METTL2B: variants seen among roughly 807,000 people sequenced by gnomAD.
The protein encoded by METTL2B is methyltransferase 2B, tRNA N3-cytidine.
In METTL2B, 28 loss-of-function variants were observed where a neutral mutation model predicts 51.0. The observed-to-expected ratio is 0.55, with a 90% confidence interval of 0.41 to 0.75. The LOEUF is 0.75. METTL2B is among the 30% of genes least tolerant of loss of function. METTL2B has a pLI of 0.00. For missense variants in METTL2B, 313 were observed against 460.7 expected (o/e 0.68, Z 2.93); for synonymous variants, 128 against 166.3 (o/e 0.77, Z 1.77).
In METTL2B at chr7:128,498,090, A is replaced by G; in HGVS notation, c.864A>G (p.Val288=). The G allele has an allele frequency of 6.2e-7, 1 of 1,613,840 alleles. No homozygotes were observed. The highest frequency in any genetic ancestry group is 8.5e-7 in the Non-Finnish European group (1 of 1,179,826). Residue 288 remains valine, a synonymous_variant, in exon 7 of 9, where the codon GTA becomes GTG. Transcript: ENST00000262432. The part of the protein sequence containing the change: ...LSRLLKPGGM[V]LLRDYGRYDM... ...GGCTTCTGAAACCTGGGGGGATGGT[A>G]CTTCTGCGAGATTACGGCCGCTATG... is the stretch of plus-strand genomic sequence containing the variant.
At chr7:128,477,555 G>A (rs1563025826) in intron 2 of METTL2B, among the ~76,000 whole-genome samples, 1 of 152,012 alleles carries the variant, frequency 6.6e-6, no homozygotes. Context: ...CTTCATTTAA[G>A]TGATTAGATT....
intron 5 of METTL2B, among the ~76,000 whole-genome samples, chr7:128,493,041 G>A (rs1487281856): frequency 6.6e-6 from 1 of 151,730 alleles, no homozygotes; most frequent in Non-Finnish European, 1.5e-5. Context: ...AAGTACACAA[G>A]AATAAAGAAT....
chr7:128,477,934 A>G (rs1799823423), intron 2 of METTL2B: 3 of 447,010 alleles, frequency 6.7e-6, no homozygotes, highest in African/African-American at 6.0e-5. Context: ...GTGGTTCAAT[A>G]TTCTCTTTTT....
Position 128,476,772 on chromosome 7 carries a change from G to C in METTL2B, c.7G>C (p.Gly3Arg), listed in dbSNP as rs755214059. Residue 3 changes from glycine to arginine, a missense_variant, in exon 1 of 9, where the codon GGC becomes CGC. Transcript: ENST00000262432. ...TGTTTCCGGCTCCGGTGTCATGGCCGGCTCCTACCCTGAAGGTGCACCTGC... is the reference window on the plus strand; with the variant it reads ...TGTTTCCGGCTCCGGTGTCATGGCCCGCTCCTACCCTGAAGGTGCACCTGC... MA[G>R]SYPEGAPAIL... The C allele has an allele frequency of 1.9e-5, 30 of 1,613,932 alleles. No homozygotes were observed. The highest frequency in any genetic ancestry group is 4.4e-5 in the South Asian group (4 of 91,042).
intron 6 of METTL2B, among the ~76,000 whole-genome samples, chr7:128,497,693 G>A (rs1792948445): frequency 1.3e-5 from 2 of 152,036 alleles, no homozygotes; most frequent in Non-Finnish European, 2.9e-5. Context: ...GTTTTGGCCA[G>A]ACTGGTCTCA....
rs1793039968 is a variant in METTL2B, at chr7:128,502,030, G to C, written c.*114G>C. 1 of 1,477,378 alleles carries C rather than the reference G, an allele frequency of 6.8e-7. No homozygotes were observed. Among genetic ancestry groups the C allele is most frequent in the African/African-American group, 1.4e-5 (1 of 71,008 alleles). The allele number at this position is 1,477,378 out of a possible 1,614,324, so 91.5% of individuals were successfully genotyped here. A position where few individuals can be genotyped will look rare whatever the true frequency, so the allele number is the denominator to read the frequency against. On this transcript the variant is annotated 3_prime_UTR_variant, in exon 9 of 9. Coordinates refer to ENST00000262432, the MANE Select transcript of METTL2B (RefSeq NM_018396.3). ...TGTAATCCCAGCCACTCAGGAGGCT[G>C]AGGCAGGGAGGATCCATTGAGCCCA...
intron 7 of METTL2B, among the ~76,000 whole-genome samples, chr7:128,499,671 A>C (rs1226628969): frequency 1.1e-5 from 1 of 88,954 alleles, no homozygotes; most frequent in Non-Finnish European, 2.6e-5. Context: ...GGCATGTGCC[A>C]CCACGCCTGG....
In METTL2B at chr7:128,505,549, C is replaced by T. The variant is rs1453363303; in HGVS notation, c.*3633C>T. On this transcript the variant is annotated 3_prime_UTR_variant, in exon 9 of 9. Coordinates refer to ENST00000262432, the MANE Select transcript of METTL2B (RefSeq NM_018396.3). ...AATTTCCCCATTATTGGTGATGTCA[C>T]TTAGTTGTGTTGTCTGCCAGGTTCT... is the stretch of plus-strand genomic sequence containing the variant. 6 of 152,172 alleles carry T rather than the reference C, an allele frequency of 3.9e-5. No homozygotes were observed. Among genetic ancestry groups the T allele is most frequent in the Non-Finnish European group, 7.3e-5 (5 of 68,034 alleles). 9.4% of individuals were successfully genotyped at this position (152,172 alleles called of 1,614,324 possible).
intron 5 of METTL2B, among the ~76,000 whole-genome samples, chr7:128,493,308 G>C (rs1055774492): frequency 6.6e-6 from 1 of 151,908 alleles, no homozygotes; most frequent in African/African-American, 2.4e-5. Context: ...TGCCTCCTGG[G>C]TTCAAGCGAT....
intron 7 of METTL2B, among the ~76,000 whole-genome samples, chr7:128,499,235 C>G (rs1584797825): frequency 1.3e-5 from 2 of 152,320 alleles, no homozygotes; most frequent in South Asian, 4.1e-4. Context: ...AAGAACGTAT[C>G]TAAATGGCCA....
chr7:128,494,561 G>A (rs1216258804), intron 6 of METTL2B, among the ~76,000 whole-genome samples: 2 of 152,142 alleles, frequency 1.3e-5, no homozygotes, highest in Non-Finnish European at 2.9e-5. Flanking sequence ...CTCATCACAT[G>A]CCGTTTTAGA....
intron 5 of METTL2B, among the ~76,000 whole-genome samples, chr7:128,492,822 T>C (rs1792859286): frequency 6.6e-6 from 1 of 151,658 alleles, no homozygotes; most frequent in Non-Finnish European, 1.5e-5. Context: ...TTCACCATGT[T>C]AGCTAGGATG....
rs367975223 is a variant in METTL2B at position 128,493,785 on chromosome 7, C to G, written c.670-19C>G. 9.4e-6 allele frequency: 15 copies of G among 1,593,936 alleles called. No homozygotes were observed. Among genetic ancestry groups the G allele is most frequent in the Non-Finnish European group, 1.1e-5 (13 of 1,173,962 alleles). Reference sequence around the variant, plus strand: ...TGTTAATATTTTCTAACTTACTTGTCTCTTCCACCTGTCTGCAGACAAATT... The same window carrying G: ...TGTTAATATTTTCTAACTTACTTGTGTCTTCCACCTGTCTGCAGACAAATT... On this transcript the variant is annotated intron_variant, in intron 5 of 8. Coordinates refer to ENST00000262432, the MANE Select transcript of METTL2B (RefSeq NM_018396.3).
At chr7:128,477,922 A>C (rs981456164) in intron 2 of METTL2B, 1 of 443,340 alleles carries the variant, frequency 2.3e-6, no homozygotes, top group South Asian at 1.6e-5. Flanking sequence ...TTTGAAAATC[A>C]TGTGGTTCAA....
chr7:128,492,041 T>C (rs1792842614), intron 5 of METTL2B, among the ~76,000 whole-genome samples: 1 of 152,150 alleles, frequency 6.6e-6, no homozygotes, highest in African/African-American at 2.4e-5. Flanking sequence ...TCTCAGTCAC[T>C]CAGGCTGGAG....
intron 5 of METTL2B, among the ~76,000 whole-genome samples, chr7:128,490,768 T>A (rs539928731): frequency 6.6e-6 from 1 of 152,212 alleles, no homozygotes; most frequent in African/African-American, 2.4e-5. Context: ...TAACACAACC[T>A]AGCTGATAAA....
intron 6 of METTL2B, among the ~76,000 whole-genome samples, chr7:128,494,951 G>A (rs1243936622): frequency 1.3e-5 from 2 of 150,064 alleles, no homozygotes; most frequent in African/African-American, 4.9e-5. Flanking sequence ...GTCTTGCTCT[G>A]TTGCCCCGGC....
chr7:128,502,545 C>A lies in METTL2B; in HGVS notation c.*629C>A, dbSNP rs1259774825. The A allele has an allele frequency of 2.2e-6, 1 of 449,490 alleles. No individual in the cohort carries two copies. Among genetic ancestry groups the A allele is most frequent in the African/African-American group, 2.0e-5 (1 of 49,552 alleles). The allele number at this position is 449,490 out of a possible 1,614,324, so 27.8% of individuals were successfully genotyped here. A position where few individuals can be genotyped will look rare whatever the true frequency, so the allele number is the denominator to read the frequency against. On this transcript the variant is annotated 3_prime_UTR_variant, in exon 9 of 9. Transcript: ENST00000262432. ...TATTTTCCTGACAAGAAAAAAATGA[C>A]CCTGTAGACAGCATCAAAATGTGGT...
At chr7:128,477,941 T>C in intron 2 of METTL2B, 2 of 448,796 alleles carry the variant, frequency 4.5e-6, no homozygotes, top group South Asian at 3.1e-5. Context: ...AATATTCTCT[T>C]TTTATAGTTA....
Sources: gnomAD v4.1 joint callset for allele counts (sites outside exome capture counted in the v4.1 genomes callset) on GRCh38, gnomAD v4.1.1 for gene constraint, MANE v1.5 for transcripts, NCBI Gene and HGNC (gene_info 2026-07-23, HGNC 2026-07-21) for gene names.